The following OGDH variants were observed in gnomAD, a reference collection of about 807,000 sequenced individuals.
The protein encoded by OGDH is 2-oxoglutarate dehydrogenase complex component E1.
OGDH carries 38 observed loss-of-function variants against 116.6 expected under a neutral mutation model. That is an observed-to-expected ratio of 0.33 (90% confidence interval 0.25 to 0.43). The LOEUF (loss-of-function observed/expected upper bound fraction) is 0.43, where lower values mean the gene tolerates loss of function less well. Ranked by LOEUF, OGDH falls within the 20% of genes least tolerant of loss-of-function variation. OGDH has a pLI of 1.00. For synonymous variants in OGDH, 488 were observed against 533.3 expected (o/e 0.92, Z 1.17); for missense variants, 825 against 1,357.2 (o/e 0.61, Z 6.16).
intron 1 of OGDH, among the ~76,000 whole-genome samples, chr7:44,620,521 A>G (rs950498941): frequency 6.6e-6 from 1 of 152,248 alleles, no homozygotes; most frequent in Non-Finnish European, 1.5e-5. Flanking sequence ...GTATATGTCT[A>G]TGCAACTTCA....
chr7:44,625,809 ATT>A (rs373672936), intron 2 of OGDH, among the ~76,000 whole-genome samples: 6 of 149,194 alleles, frequency 4.0e-5, no homozygotes, highest in Non-Finnish European at 7.5e-5. Context: ...ACACTTACGA[ATT>A]TTTTTTTTTA....
chr7:44,626,331 A>C (rs199552928), intron 2 of OGDH, among the ~76,000 whole-genome samples: 66 of 119,738 alleles, frequency 5.5e-4, no homozygotes, highest in South Asian at 4.3e-3. Flanking sequence ...ACACACACAC[A>C]CCCCTACACA....
At position 44,697,879 on chromosome 7, in the gene OGDH, C is replaced by G. The variant is rs1339546713; in HGVS notation, c.2358+97C>G. ...CTGGCACGAGAGCCAGTGGCTCACA[C>G]CAGCCTCCTAAGGACTCTGCTGGTG... On this transcript the variant is annotated intron_variant, in intron 17 of 22. Transcript: ENST00000222673. The surrounding 1 kb of genome is among the most constrained non-coding windows in gnomAD (Gnocchi z 6.0). 2.9e-6 allele frequency: 4 copies of G among 1,393,736 alleles called. No homozygotes were observed. Among genetic ancestry groups the G allele is most frequent in the Non-Finnish European group, 3.8e-6 (4 of 1,039,304 alleles). The allele number at this position is 1,393,736 out of a possible 1,614,324, so 86.3% of individuals were successfully genotyped here.
intron 1 of OGDH, among the ~76,000 whole-genome samples, chr7:44,611,892 G>C (rs1784581294): frequency 6.6e-6 from 1 of 151,482 alleles, no homozygotes; most frequent in Non-Finnish European, 1.5e-5. Context: ...AAAGACTCAA[G>C]ATCAAATAGA....
rs1788482543 is a variant in OGDH, at chr7:44,694,166, C to G, written c.1515+162C>G. On this transcript the variant is annotated intron_variant, in intron 11 of 22. Coordinates refer to ENST00000222673, the MANE Select transcript of OGDH (RefSeq NM_002541.4). This position sits in a 1 kb window ranked among gnomAD's most constrained non-coding sequence, Gnocchi z 4.2. ...TGGTTCCTTTGAGCTCCAAATAGTT[C>G]AGGCCTGTAAGCACCAAGGAATGCT... Among the ~76,000 whole-genome samples the G allele has an allele frequency of 6.6e-6, 1 of 152,132 alleles. No homozygotes were observed. Among genetic ancestry groups the G allele is most frequent in the Non-Finnish European group, 1.5e-5 (1 of 68,024 alleles).
At position 44,707,423 on chromosome 7, in the gene OGDH, A is replaced by G. The variant is rs1026576539; in HGVS notation, c.2796+35A>G. On this transcript the variant is annotated intron_variant, in intron 21 of 22. Coordinates refer to ENST00000222673, the MANE Select transcript of OGDH (RefSeq NM_002541.4). This position sits in a 1 kb window ranked among gnomAD's most constrained non-coding sequence, Gnocchi z 5.2. ...GGTGGTGCCATCAGGGTGTCCCCCC[A>G]GCGGGGGTCAGGGCTCTGGTGCCTT... The G allele has an allele frequency of 3.1e-6, 5 of 1,612,142 alleles. No individual in the cohort carries two copies. In the East Asian group the frequency reaches 1.1e-4, roughly 36 times the overall value.
intron 6 of OGDH, 43 bp from the exon 7 acceptor site, chr7:44,674,368 A>G: frequency 6.2e-7 from 1 of 1,612,692 alleles, no homozygotes; most frequent in Non-Finnish European, 8.5e-7. Flanking sequence ...TTTGGTCAGG[A>G]AGAGTGACAT....
At chr7:44,621,335 A>G (rs189596190) in intron 1 of OGDH, among the ~76,000 whole-genome samples, 201 of 152,248 alleles carry the variant, frequency 1.3e-3, no homozygotes, top group Non-Finnish European at 2.3e-3. Flanking sequence ...TGGCACCCCA[A>G]AGTGCTAGGA....
intron 4 of OGDH, among the ~76,000 whole-genome samples, chr7:44,661,891 G>A (rs533031210): frequency 2.6e-5 from 4 of 152,196 alleles, no homozygotes; most frequent in South Asian, 2.1e-4. Flanking sequence ...GAGCCACCAC[G>A]CCTGGCGTGT....
At chr7:44,706,825 T>C (rs1335408637) in intron 20 of OGDH, among the ~76,000 whole-genome samples, 1 of 151,760 alleles carries the variant, frequency 6.6e-6, no homozygotes, top group East Asian at 1.9e-4. Flanking sequence ...GGTTTCACCA[T>C]GTTGCCCAGG....
intron 9 of OGDH, among the ~76,000 whole-genome samples, chr7:44,677,924 C>T (rs12673978): frequency 0.21 from 32,293 of 151,286 alleles, 5,938 homozygotes; most frequent in African/African-American, 0.48. Context: ...CTTTACCAGG[C>T]TCTATAATTT....
At chr7:44,643,589 G>A (rs147716791) in intron 2 of OGDH, among the ~76,000 whole-genome samples, 3 of 152,094 alleles carry the variant, frequency 2.0e-5, no homozygotes, top group Admixed American at 6.5e-5. Context: ...TCTGAGTGAC[G>A]TACATCTGTG....
chr7:44,681,676 C>T (rs1787935423), intron 9 of OGDH, 44 bp from the exon 10 acceptor site: 8 of 1,585,188 alleles, frequency 5.0e-6, no homozygotes, highest in Non-Finnish European at 6.9e-6. Context: ...GTGGACTTGG[C>T]AATCAGAACA....
intron 18 of OGDH, 47 bp downstream of exon 18, chr7:44,698,310 G>A: frequency 6.3e-7 from 1 of 1,593,384 alleles, no homozygotes; most frequent in Non-Finnish European, 8.6e-7. Context: ...GGGGTGTCTG[G>A]TGGGAAACCT....
intron 2 of OGDH, among the ~76,000 whole-genome samples, chr7:44,629,074 A>G (rs879652021): frequency 6.6e-6 from 1 of 152,224 alleles, no homozygotes; most frequent in Non-Finnish European, 1.5e-5. Flanking sequence ...GGGTCTCAGC[A>G]TATTTGAGGT....
chr7:44,675,151 C>T, intron 7 of OGDH, 27 bp from the exon 8 acceptor site: 1 of 1,596,152 alleles, frequency 6.3e-7, no homozygotes, highest in Non-Finnish European at 8.6e-7. Context: ...TCAGGCTCTG[C>T]TCACCCTACT....
At chr7:44,616,032 GA>G (rs79089920) in intron 1 of OGDH, among the ~76,000 whole-genome samples, 3,387 of 131,956 alleles carry the variant, frequency 0.026, 72 homozygotes, top group Non-Finnish European at 0.027. Flanking sequence ...CTGACAGAAA[GA>G]AAAAAAAAAA....
intron 9 of OGDH, among the ~76,000 whole-genome samples, chr7:44,676,756 A>C (rs776949611): frequency 6.6e-6 from 1 of 151,996 alleles, no homozygotes; most frequent in Non-Finnish European, 1.5e-5. Context: ...TCTTCACCAA[A>C]TCTGTTAAGG....
chr7:44,631,988 A>G (rs1006433156), intron 2 of OGDH, among the ~76,000 whole-genome samples: 1 of 152,200 alleles, frequency 6.6e-6, no homozygotes, highest in African/African-American at 2.4e-5. Context: ...GCTCACGGTC[A>G]CTCAGCAGGA....
Sources: allele counts gnomAD v4.1 joint callset (sites outside exome capture counted in the v4.1 genomes callset), GRCh38; gene constraint gnomAD v4.1.1; non-coding constraint Gnocchi (gnomAD v3.1); transcripts MANE v1.5; gene names NCBI Gene and HGNC (gene_info 2026-07-23, HGNC 2026-07-21).